The following EVC variants were observed in gnomAD, a reference collection of about 807,000 sequenced individuals.
EVC encodes the protein evC complex member EVC.
In EVC, 116 loss-of-function variants were observed where a neutral mutation model predicts 118.9. The observed-to-expected ratio is 0.98, with a 90% CI of 0.84 to 1.14. The LOEUF is 1.14. Ranked by LOEUF, EVC falls within the 50% of genes most tolerant of loss-of-function variation. EVC has a pLI of 0.00. For missense variants in EVC, 1,401 were observed against 1,246.4 expected, an observed-to-expected ratio of 1.12 and a Z score of -1.87; for synonymous variants, 619 against 534.7, an observed-to-expected ratio of 1.16 and a Z score of -2.18.
chr4:5,711,640 C>G, intron 1 of EVC, 86 bp downstream of exon 1: 1 of 1,023,844 alleles, frequency 9.8e-7, no homozygotes, highest in Non-Finnish European at 1.2e-6. Context: ...CCCGGCTCTG[C>G]GACTCCTTGA....
intron 12 of EVC, 45 bp downstream of exon 12, chr4:5,783,809 AAC>A (rs1238127866): frequency 2.0e-5 from 30 of 1,536,190 alleles, no homozygotes; most frequent in Non-Finnish European, 2.7e-5. Flanking sequence ...GCATTTTAGA[AAC>A]ACACGAAGAA....
intron 8 of EVC, among the ~76,000 whole-genome samples, chr4:5,751,159 C>T (rs533979347): frequency 1.6e-4 from 24 of 152,290 alleles, no homozygotes; most frequent in South Asian, 8.3e-4. Flanking sequence ...CAATGCTTCA[C>T]GTATTTTGAC....
intron 17 of EVC, among the ~76,000 whole-genome samples, chr4:5,807,242 G>A (rs1199803632): frequency 2.0e-5 from 3 of 152,150 alleles, no homozygotes; most frequent in Non-Finnish European, 4.4e-5. Flanking sequence ...AGGAATGAGT[G>A]GATGGATGGA....
chr4:5,793,526 A>T, intron 12 of EVC, 82 bp from the exon 13 acceptor site: 9 of 1,215,466 alleles, frequency 7.4e-6, no homozygotes, highest in Non-Finnish European at 1.1e-5. Context: ...CACAAACAAG[A>T]AACAAAATGC....
At position 5,731,415 on chromosome 4, in the gene EVC, G is replaced by A. The variant is rs766423757; in HGVS notation, c.385-10G>A. On this transcript the variant is annotated splice_polypyrimidine_tract_variant and intron_variant, in intron 3 of 20. Coordinates refer to ENST00000264956, the MANE Select transcript of EVC (RefSeq NM_153717.3). This position sits in a 1 kb window ranked among gnomAD's most constrained non-coding sequence, Gnocchi z 5.6. ...ACATGGACTGAGTGTGACTCCTACT[G>A]CCACCCCAGCCTCTGGCCGATGGCT... 4.3e-6 allele frequency: 7 copies of A among 1,609,482 alleles called. No individual in the cohort carries two copies. The East Asian group carries it at 1.6e-4, about 36-fold the overall frequency.
In EVC at chr4:5,754,693, T is replaced by A. The variant is rs1438973281; in HGVS notation, c.1464+760T>A. Among the ~76,000 whole-genome samples the A allele has an allele frequency of 6.6e-6, 1 of 152,158 alleles. No individual in the cohort carries two copies. Among genetic ancestry groups the A allele is most frequent in the Non-Finnish European group, 1.5e-5 (1 of 68,020 alleles). ...GCCAGCCACACTTGGGTTTGGGTGC[T>A]GACTCTGCCACTAAATAGCTGGGTG... On this transcript the variant is annotated intron_variant, in intron 10 of 20. Coordinates refer to ENST00000264956, the MANE Select transcript of EVC (RefSeq NM_153717.3). This position sits in a 1 kb window ranked among gnomAD's most constrained non-coding sequence, Gnocchi z 5.8.
chr4:5,809,637 G>C, intron 19 of EVC, 26 bp downstream of exon 19: 1 of 1,600,104 alleles, frequency 6.2e-7, no homozygotes. Context: ...TTGAGTTGCA[G>C]CGGGAAGCAC....
rs1730677344 is a variant in EVC, at chr4:5,753,294, A to C, written c.1315+242A>C. On this transcript the variant is annotated intron_variant, in intron 9 of 20. Coordinates refer to ENST00000264956, the MANE Select transcript of EVC (RefSeq NM_153717.3). ...CAGGGGTCACCTGCTGCACTCACTCACCAGGGATTCCGGCTGATTGAGTCC... is the reference window on the plus strand; with the variant it reads ...CAGGGGTCACCTGCTGCACTCACTCCCCAGGGATTCCGGCTGATTGAGTCC... 3.3e-5 allele frequency among the ~76,000 whole-genome samples: 5 copies of C among 152,164 alleles called. No individual in the cohort carries two copies. The South Asian group carries it at 1.0e-3, about 31-fold the overall frequency.
intron 7 of EVC, 48 bp from the exon 8 acceptor site, chr4:5,748,100 T>G: frequency 6.2e-7 from 1 of 1,611,778 alleles, no homozygotes; most frequent in Non-Finnish European, 8.5e-7. Context: ...TTGGCTTTCT[T>G]AAGTAAGTTT....
chr4:5,717,005 A>G (rs1264193895), intron 1 of EVC, among the ~76,000 whole-genome samples: 1 of 148,338 alleles, frequency 6.7e-6, no homozygotes, highest in Non-Finnish European at 1.5e-5. Flanking sequence ...GGTGCCAGGC[A>G]TTTGGAACGT....
downstream of EVC, among the ~76,000 whole-genome samples, chr4:5,816,385 C>T (rs1221233274): frequency 6.6e-6 from 1 of 152,206 alleles, no homozygotes; most frequent in Non-Finnish European, 1.5e-5. Flanking sequence ...AGCATGGAGG[C>T]CACACTTCCT....
chr4:5,758,230 G>T (rs1731481547), intron 11 of EVC: 1 of 658,364 alleles, frequency 1.5e-6, no homozygotes, highest in Non-Finnish European at 2.7e-6. Context: ...GCCTTTGGAG[G>T]GGGCGAGGCT....
intron 1 of EVC, among the ~76,000 whole-genome samples, chr4:5,718,060 C>T (rs1724278908): frequency 6.6e-6 from 1 of 152,150 alleles, no homozygotes; most frequent in Non-Finnish European, 1.5e-5. Flanking sequence ...AGATTATATT[C>T]ATGAGCAGGT....
At chr4:5,711,748 G>A (rs928511251) in intron 1 of EVC, among the ~76,000 whole-genome samples, 194 bp downstream of exon 1, 3 of 152,224 alleles carry the variant, frequency 2.0e-5, no homozygotes, top group Non-Finnish European at 4.4e-5. Context: ...TTGGCCTGGG[G>A]TCCCCTGCGG....
downstream of EVC, chr4:5,814,363 C>T (rs570045395): frequency 3.4e-4 from 52 of 152,268 alleles, no homozygotes; most frequent in African/African-American, 1.2e-3. Context: ...TTTTTGTACT[C>T]CCCCAGGGTG....
rs1717317933 is a variant in EVC at position 5,814,140 on chromosome 4, T to C, written c.*3103T>C. The C allele has an allele frequency of 6.6e-6, 1 of 152,396 alleles. No individual in the cohort carries two copies. Among genetic ancestry groups the C allele is most frequent in the African/African-American group, 2.4e-5 (1 of 41,466 alleles). 9.4% of individuals were successfully genotyped at this position (152,396 alleles called of 1,614,324 possible). A position where few individuals can be genotyped will look rare whatever the true frequency, so the allele number is the denominator to read the frequency against. On this transcript the variant is annotated 3_prime_UTR_variant, in exon 21 of 21. Coordinates refer to ENST00000264956, the MANE Select transcript of EVC (RefSeq NM_153717.3). The stretch of plus-strand genomic sequence containing the variant: ...AGGGGAGAGAGAAGAGGATCAGCAG[T>C]GCAGCCCCAGGATGCCTCGCAGGTA...
At chr4:5,795,469 T>C (rs1190978438) in intron 13 of EVC, among the ~76,000 whole-genome samples, 2 of 152,170 alleles carry the variant, frequency 1.3e-5, no homozygotes, top group Non-Finnish European at 2.9e-5. Context: ...CTAGGCAGCA[T>C]GGTGAAACCC....
At chr4:5,796,600 C>T (rs1289699411) in intron 13 of EVC, among the ~76,000 whole-genome samples, 2 of 152,044 alleles carry the variant, frequency 1.3e-5, no homozygotes, top group African/African-American at 4.8e-5. Context: ...CCTCTGTTCA[C>T]CTCTCAGCCT....
downstream of EVC, among the ~76,000 whole-genome samples, chr4:5,815,375 G>A (rs144554653): frequency 1.6e-3 from 243 of 152,302 alleles, no homozygotes; most frequent in African/African-American, 5.2e-3. Context: ...GCATTCCAAC[G>A]TAACGTGCAT....
Sources: allele counts gnomAD v4.1 joint callset (sites outside exome capture counted in the v4.1 genomes callset), GRCh38; gene constraint gnomAD v4.1.1; non-coding constraint Gnocchi (gnomAD v3.1); transcripts MANE v1.5; gene names NCBI Gene and HGNC (gene_info 2026-07-23, HGNC 2026-07-21).